Variants in C2CD5 observed in about 807,000 individuals in gnomAD.
C2CD5 encodes the protein C2 domain-containing protein 5.
In C2CD5, 109 loss-of-function variants were observed where a neutral mutation model predicts 130.3. That is an observed-to-expected ratio of 0.84 (90% CI 0.72 to 0.98). The LOEUF is 0.98. Among genes scored for constraint, C2CD5 ranks in the 50% least tolerant of loss-of-function variants. The pLI, the probability that C2CD5 is intolerant of heterozygous loss-of-function variation, is 0.00. For missense variants in C2CD5, 996 were observed against 1,261.8 expected, an observed-to-expected ratio of 0.79 and a Z score of 3.19; for synonymous variants, 454 against 429.2, an observed-to-expected ratio of 1.06 and a Z score of -0.71.
chr12:22,517,802 G>T (rs1227882121), intron 8 of C2CD5, among the ~76,000 whole-genome samples, 184 bp downstream of exon 8: 1 of 152,098 alleles, frequency 6.6e-6, no homozygotes, highest in East Asian at 1.9e-4. Flanking sequence ...ATGTAAACAA[G>T]ATAATTTCTG....
chr12:22,529,157 T>TATACTA (rs1163594696), intron 3 of C2CD5, among the ~76,000 whole-genome samples: 2 of 152,186 alleles, frequency 1.3e-5, no homozygotes, highest in African/African-American at 4.8e-5. Flanking sequence ...TGAGGTTCAA[T>TATACTA]ATACTAATCT....
At position 22,482,577 on chromosome 12, in the gene C2CD5, T is replaced by A. The variant is rs1481469954; in HGVS notation, c.1717A>T (p.Asn573Tyr). Residue 573 changes from asparagine (N) to tyrosine (Y), a missense_variant, in exon 14 of 27, where the codon AAT becomes TAT. Around this residue, in one of 9 missense-constraint regions of C2CD5, gnomAD observed 590 missense variants for 631.4 expected, o/e 0.93. Transcript: ENST00000446597. ...CTTACCGCTAAGCCCATCAACATAT[T>A]TTCACCCACTGTGATCTGAATTCTT... ...GLRIQITVGE[N>Y]MLMGLASATG... The A allele has an allele frequency of 6.2e-7, 1 of 1,613,654 alleles. No homozygotes were observed. Among genetic ancestry groups the A allele is most frequent in the Non-Finnish European group, 8.5e-7 (1 of 1,179,800 alleles).
At chr12:22,482,870 T>C (rs926283294) in intron 13 of C2CD5, 127 bp from the exon 14 acceptor site, 3 of 677,096 alleles carry the variant, frequency 4.4e-6, no homozygotes, top group South Asian at 3.6e-5. Flanking sequence ...TACTGAGTTA[T>C]ATCAATAATC....
At chr12:22,474,285 C>T (rs1364647835) in intron 16 of C2CD5, among the ~76,000 whole-genome samples, 2 of 152,094 alleles carry the variant, frequency 1.3e-5, no homozygotes, top group Non-Finnish European at 2.9e-5. Context: ...GGGAAAGTTA[C>T]TAAAGTGTTC....
At chr12:22,512,260 C>T (rs928711822) in intron 9 of C2CD5, among the ~76,000 whole-genome samples, 1 of 152,140 alleles carries the variant, frequency 6.6e-6, no homozygotes, top group Non-Finnish European at 1.5e-5. Context: ...GTACCAACCT[C>T]TAGAGGAGAA....
chr12:22,502,673 TA>T, intron 10 of C2CD5: 2 of 866,580 alleles, frequency 2.3e-6, no homozygotes, highest in Non-Finnish European at 3.7e-6. Flanking sequence ...AGAACATTTC[TA>T]AAAACTTCAC....
At chr12:22,514,167 G>A (rs573278312) in intron 8 of C2CD5, among the ~76,000 whole-genome samples, 1 of 152,204 alleles carries the variant, frequency 6.6e-6, no homozygotes, top group South Asian at 2.1e-4. Flanking sequence ...GAAAGCAGGG[G>A]ACAGGTAAGA....
intron 8 of C2CD5, 80 bp from the exon 9 acceptor site, chr12:22,513,459 A>C: frequency 2.3e-6 from 2 of 856,232 alleles, no homozygotes; most frequent in Non-Finnish European, 4.1e-6. Flanking sequence ...CTTCATAAAC[A>C]TCATGAGTTG....
intron 4 of C2CD5, among the ~76,000 whole-genome samples, chr12:22,527,493 T>C (rs1009866353): frequency 1.3e-4 from 19 of 151,826 alleles, no homozygotes; most frequent in Non-Finnish European, 2.4e-4. Context: ...TAATTTTGTA[T>C]TTTTAGTAGA....
intron 15 of C2CD5, 92 bp downstream of exon 15, chr12:22,478,220 GA>G (rs761989178): frequency 1.1e-4 from 115 of 1,003,502 alleles, no homozygotes; most frequent in Non-Finnish European, 1.4e-4. Context: ...GCTAAACAGT[GA>G]AAAAAAAATC....
At chr12:22,511,229 G>T (rs898394023) in intron 9 of C2CD5, among the ~76,000 whole-genome samples, 1 of 148,184 alleles carries the variant, frequency 6.7e-6, no homozygotes, top group Non-Finnish European at 1.5e-5. Flanking sequence ...CAAAGGGATA[G>T]AAACGAATAT....
At chr12:22,524,401 A>T in intron 6 of C2CD5, 71 bp downstream of exon 6, 1 of 1,245,524 alleles carries the variant, frequency 8.0e-7, no homozygotes. Context: ...TTGAGGTAGC[A>T]TGTCAAAGGA....
chr12:22,502,932 C>T, intron 10 of C2CD5: 1 of 590,680 alleles, frequency 1.7e-6, no homozygotes, highest in Non-Finnish European at 3.0e-6. Flanking sequence ...ACATAGACAG[C>T]AGAGTTAATA....
At chr12:22,473,456 C>G (rs949901872) in intron 16 of C2CD5, among the ~76,000 whole-genome samples, 1 of 152,126 alleles carries the variant, frequency 6.6e-6, no homozygotes, top group African/African-American at 2.4e-5. Context: ...CATACCTCAA[C>G]CCATTATTCC....
At chr12:22,518,828 A>G (rs1019635924) in intron 7 of C2CD5, among the ~76,000 whole-genome samples, 7 of 152,244 alleles carry the variant, frequency 4.6e-5, no homozygotes, top group African/African-American at 1.7e-4. Context: ...ATAAAAATAT[A>G]TATGGGAGGA....
chr12:22,462,736 T>A (rs1230562999), intron 22 of C2CD5, among the ~76,000 whole-genome samples: 1 of 152,194 alleles, frequency 6.6e-6, no homozygotes, highest in Non-Finnish European at 1.5e-5. Flanking sequence ...ATTATTTGAA[T>A]GTAGGTCCCC....
intron 3 of C2CD5, among the ~76,000 whole-genome samples, chr12:22,533,980 G>A (rs1951568179): frequency 6.6e-6 from 1 of 152,234 alleles, no homozygotes; most frequent in Non-Finnish European, 1.5e-5. Flanking sequence ...GAGGTCAGGA[G>A]TTTGAGACCA....
At chr12:22,522,280 T>A (rs551707779) in intron 7 of C2CD5, among the ~76,000 whole-genome samples, 1 of 152,182 alleles carries the variant, frequency 6.6e-6, no homozygotes. Context: ...GTCTTCATTG[T>A]ATAGGGTTGT....
intron 2 of C2CD5, among the ~76,000 whole-genome samples, chr12:22,538,964 A>G (rs538000692): frequency 6.6e-6 from 1 of 152,112 alleles, no homozygotes; most frequent in South Asian, 2.1e-4. Context: ...CTTTTCCTGC[A>G]TTAATTTTTC....
Sources: allele counts gnomAD v4.1 joint callset (sites outside exome capture counted in the v4.1 genomes callset), GRCh38; gene constraint gnomAD v4.1.1; regional missense constraint gnomAD v4.1.1; transcripts MANE v1.5; gene names NCBI Gene and HGNC (gene_info 2026-07-23, HGNC 2026-07-21).